The following MACROD2 variants were observed in gnomAD, a reference collection of about 807,000 sequenced individuals.
MACROD2 encodes mono-ADP ribosylhydrolase 2, also known as ADP-ribose glycohydrolase MACROD2.
Under a neutral mutation model 70.4 loss-of-function variants are expected in MACROD2, and 36 were observed. The ratio of observed to expected loss-of-function variants is 0.51; its 90% CI spans 0.39 to 0.68. The LOEUF (loss-of-function observed/expected upper bound fraction) is 0.68, where lower values mean the gene tolerates loss of function less well. MACROD2 is among the 30% of genes least tolerant of loss of function. The probability of loss-of-function intolerance (pLI) is 0.00; values close to 1 mark genes in which losing one functional copy is unlikely to be tolerated. For missense variants in MACROD2, 496 were observed against 538.4 expected (o/e 0.92, Z 0.78); for synonymous variants, 172 against 178.8 (o/e 0.96, Z 0.30).
At chr20:15,815,168 G>A (rs1361958748) in intron 8 of MACROD2, among the ~76,000 whole-genome samples, 1 of 152,134 alleles carries the variant, frequency 6.6e-6, no homozygotes, top group Non-Finnish European at 1.5e-5. Flanking sequence ...AACTGAGAAT[G>A]CAGTGACTCA....
intron 5 of MACROD2, among the ~76,000 whole-genome samples, chr20:15,060,109 C>T (rs1436597518): frequency 6.6e-6 from 1 of 152,134 alleles, no homozygotes; most frequent in African/African-American, 2.4e-5. Flanking sequence ...CGTGTTACAC[C>T]CTTGGGAAGG....
chr20:15,267,106 GA>G (rs1483178499), intron 6 of MACROD2, among the ~76,000 whole-genome samples: 43 of 152,146 alleles, frequency 2.8e-4, no homozygotes, highest in Non-Finnish European at 6.3e-4. Context: ...GGCCTGCAGT[GA>G]AAAACCTCTA....
At chr20:15,204,280 T>C (rs1339790210) in intron 5 of MACROD2, among the ~76,000 whole-genome samples, 2 of 152,164 alleles carry the variant, frequency 1.3e-5, no homozygotes, top group Non-Finnish European at 2.9e-5. Flanking sequence ...TCATGAATTC[T>C]TTAATCGAGT....
At chr20:15,313,409 AGGCAGGAGAAT>A (rs1263987465) in intron 6 of MACROD2, among the ~76,000 whole-genome samples, 1 of 149,166 alleles carries the variant, frequency 6.7e-6, no homozygotes, top group Non-Finnish European at 1.5e-5. Flanking sequence ...CGGGAGGCTG[AGGCAGGAGAAT>A]GGCATGATCC....
chr20:15,475,165 T>C (rs949873315), intron 7 of MACROD2, among the ~76,000 whole-genome samples: 1 of 152,216 alleles, frequency 6.6e-6, no homozygotes, highest in African/African-American at 2.4e-5. Flanking sequence ...GCATAGGTTG[T>C]ATGCAAATAC....
chr20:15,474,063 A>G (rs1305572120), intron 7 of MACROD2, among the ~76,000 whole-genome samples: 14 of 152,198 alleles, frequency 9.2e-5, no homozygotes. Flanking sequence ...ATAAAATAGG[A>G]ACGAGAATTA....
chr20:14,211,484 T>G (rs1006781415), intron 3 of MACROD2, among the ~76,000 whole-genome samples: 6 of 152,304 alleles, frequency 3.9e-5, no homozygotes, highest in African/African-American at 1.4e-4. Flanking sequence ...TACTCCAGAA[T>G]CTACTCAGGG....
chr20:15,218,929 C>G (rs2076834112), intron 5 of MACROD2, among the ~76,000 whole-genome samples: 1 of 152,078 alleles, frequency 6.6e-6, no homozygotes, highest in Non-Finnish European at 1.5e-5. Context: ...GCCTGTAGTC[C>G]CAGCTACTCA....
In MACROD2 at chr20:15,252,631, G is replaced by T. The variant is rs774727226; in HGVS notation, c.540+22570G>T. Among the ~76,000 whole-genome samples, 3 of 152,154 alleles carry T rather than the reference G, an allele frequency of 2.0e-5. No homozygotes were observed. The East Asian group carries it at 5.8e-4, about 29-fold the overall frequency. ...GGGATAATCCTCCCTCAGGAAAAAGGTATCAAATACTTGTGATTAGTCTAC... is the reference window on the plus strand; with the variant it reads ...GGGATAATCCTCCCTCAGGAAAAAGTTATCAAATACTTGTGATTAGTCTAC... On this transcript the variant is annotated intron_variant, in intron 6 of 17. Coordinates refer to ENST00000684519, the MANE Select transcript of MACROD2 (RefSeq NM_001351661.2).
intron 3 of MACROD2, among the ~76,000 whole-genome samples, chr20:14,390,397 TA>T: frequency 6.6e-6 from 1 of 152,268 alleles, no homozygotes; most frequent in African/African-American, 2.4e-5. Flanking sequence ...AAAACTATTT[TA>T]AAATTTATTT....
intron 5 of MACROD2, among the ~76,000 whole-genome samples, chr20:15,166,891 A>AT (rs2076388494): frequency 6.6e-6 from 1 of 150,468 alleles, no homozygotes; most frequent in South Asian, 2.1e-4. Context: ...AAATTTAAGT[A>AT]TTAAGTATTA....
intron 4 of MACROD2, among the ~76,000 whole-genome samples, chr20:14,510,741 A>G (rs912320505): frequency 1.3e-5 from 2 of 152,094 alleles, no homozygotes; most frequent in Non-Finnish European, 1.5e-5. Flanking sequence ...AATAGCCTCT[A>G]TCTGATTTCC....
At chr20:14,533,770 A>C (rs1261627484) in intron 4 of MACROD2, among the ~76,000 whole-genome samples, 1 of 152,210 alleles carries the variant, frequency 6.6e-6, no homozygotes, top group African/African-American at 2.4e-5. Context: ...TTTTCATTGG[A>C]ATCACTAGTA....
intron 5 of MACROD2, among the ~76,000 whole-genome samples, chr20:14,813,330 G>A (rs1221557257): frequency 2.0e-5 from 3 of 151,398 alleles, no homozygotes; most frequent in African/African-American, 7.3e-5. Flanking sequence ...TGTTTATCCT[G>A]ATGCTCTCCC....
intron 5 of MACROD2, among the ~76,000 whole-genome samples, chr20:15,175,566 T>A (rs1304708491): frequency 1.3e-5 from 2 of 152,232 alleles, no homozygotes; most frequent in Non-Finnish European, 2.9e-5. Context: ...TGAATGCTAA[T>A]GGTAGACTTA....
At chr20:15,532,271 A>G (rs1256808291) in intron 8 of MACROD2, among the ~76,000 whole-genome samples, 1 of 151,736 alleles carries the variant, frequency 6.6e-6, no homozygotes, top group Non-Finnish European at 1.5e-5. Flanking sequence ...ATAATTACTC[A>G]TTGTTCATCT....
chr20:15,172,677 T>C (rs1039547334), intron 5 of MACROD2, among the ~76,000 whole-genome samples: 2 of 152,254 alleles, frequency 1.3e-5, no homozygotes, highest in African/African-American at 4.8e-5. Flanking sequence ...TCCAAAGTTC[T>C]TACATTAGAG....
intron 10 of MACROD2, among the ~76,000 whole-genome samples, chr20:15,897,891 T>C (rs963053736): frequency 6.6e-6 from 1 of 152,238 alleles, no homozygotes; most frequent in Non-Finnish European, 1.5e-5. Flanking sequence ...TTGATGATCA[T>C]GTTCCTTGGA....
At chr20:16,007,840 G>T (rs1227449875) in intron 15 of MACROD2, among the ~76,000 whole-genome samples, 1 of 152,076 alleles carries the variant, frequency 6.6e-6, no homozygotes. Flanking sequence ...ACTCGAGAGG[G>T]TATGTACCTA....
Sources: allele counts gnomAD v4.1 joint callset (sites outside exome capture counted in the v4.1 genomes callset), GRCh38; gene constraint gnomAD v4.1.1; transcripts MANE v1.5; gene names NCBI Gene and HGNC (gene_info 2026-07-23, HGNC 2026-07-21).